Variants in DLG2 observed in about 807,000 individuals in gnomAD.
DLG2 encodes disks large homolog 2.
DLG2 carries 45 observed loss-of-function variants against 132.5 expected under a neutral mutation model. That is an observed-to-expected ratio of 0.34 (90% CI 0.27 to 0.44). DLG2 has a LOEUF of 0.44. Among genes scored for constraint, DLG2 ranks in the 20% least tolerant of loss-of-function variants. The probability of loss-of-function intolerance (pLI) is 1.00; values close to 1 mark genes in which losing one functional copy is unlikely to be tolerated. For synonymous variants in DLG2, 424 were observed against 419.6 expected (o/e 1.01, Z -0.13); for missense variants, 1,045 against 1,196.9 (o/e 0.87, Z 1.87).
intron 6 of DLG2, among the ~76,000 whole-genome samples, chr11:84,969,948 G>A (rs1037524324): frequency 6.6e-6 from 1 of 152,030 alleles, no homozygotes; most frequent in Admixed American, 6.6e-5. Flanking sequence ...GTTTTCACTC[G>A]TAAGTGGGAG....
intron 3 of DLG2, among the ~76,000 whole-genome samples, chr11:85,552,072 T>C (rs1299985678): frequency 3.5e-5 from 5 of 143,540 alleles, no homozygotes; most frequent in Admixed American, 1.4e-4. Flanking sequence ...GAAAGGTTCC[T>C]ATTCATGAAA....
chr11:83,753,201 T>C (rs1264656757), intron 18 of DLG2, among the ~76,000 whole-genome samples: 1 of 152,072 alleles, frequency 6.6e-6, no homozygotes, highest in African/African-American at 2.4e-5. Flanking sequence ...GGCGGGTGGA[T>C]CACTTGAGGT....
At chr11:83,520,694 G>GTTA (rs778015781) in intron 21 of DLG2, among the ~76,000 whole-genome samples, 48,892 of 138,070 alleles carry the variant, frequency 0.35, 8,538 homozygotes, top group Middle Eastern at 0.47. Flanking sequence ...TAAGTAGGTA[G>GTTA]GTAGATAGAT....
At chr11:83,555,470 T>G (rs2096496217) in intron 19 of DLG2, among the ~76,000 whole-genome samples, 1 of 152,306 alleles carries the variant, frequency 6.6e-6, no homozygotes, top group African/African-American at 2.4e-5. Flanking sequence ...ATCCAAATGA[T>G]GATGGTTTGG....
chr11:83,743,370 T>C (rs1349809341), intron 18 of DLG2, among the ~76,000 whole-genome samples: 1 of 151,746 alleles, frequency 6.6e-6, no homozygotes, highest in African/African-American at 2.4e-5. Flanking sequence ...GCACCCTACT[T>C]TATATCTCTG....
At chr11:84,732,553 G>C (rs2063285586) in intron 6 of DLG2, among the ~76,000 whole-genome samples, 1 of 151,376 alleles carries the variant, frequency 6.6e-6, no homozygotes, top group African/African-American at 2.4e-5. Context: ...TTTTTTCCCT[G>C]CTATCTTTGG....
intron 18 of DLG2, among the ~76,000 whole-genome samples, chr11:83,666,024 A>C (rs75988276): frequency 6.6e-6 from 1 of 152,206 alleles, no homozygotes; most frequent in South Asian, 2.1e-4. Context: ...ATGAATGTCA[A>C]GTTCTCTGCT....
chr11:84,148,607 C>A (rs1213346189), intron 9 of DLG2, among the ~76,000 whole-genome samples: 1 of 151,904 alleles, frequency 6.6e-6, no homozygotes, highest in African/African-American at 2.4e-5. Flanking sequence ...TTTTCTTTAC[C>A]CAATCCACCA....
intron 4 of DLG2, among the ~76,000 whole-genome samples, chr11:85,269,649 T>C (rs1028991425): frequency 6.6e-6 from 1 of 152,218 alleles, no homozygotes; most frequent in Non-Finnish European, 1.5e-5. Flanking sequence ...ATGTTAACTG[T>C]TCACAATAGT....
chr11:85,249,652 C>A (rs2076302736), intron 4 of DLG2, among the ~76,000 whole-genome samples: 2 of 152,130 alleles, frequency 1.3e-5, no homozygotes, highest in East Asian at 1.9e-4. Context: ...AAAGCAGAAT[C>A]AATGATGGAG....
intron 22 of DLG2, chr11:83,480,350 G>T (rs563865765): frequency 4.6e-6 from 7 of 1,532,602 alleles, no homozygotes; most frequent in African/African-American, 1.4e-5. Context: ...GAAAATAACC[G>T]CAAACCAAAG....
chr11:83,576,048 C>G (rs1021393979), intron 19 of DLG2, among the ~76,000 whole-genome samples: 1 of 151,750 alleles, frequency 6.6e-6, no homozygotes. Context: ...TAAATAGGGA[C>G]ATGAAACATA....
At chr11:83,489,389 G>A (rs1381387180) in intron 21 of DLG2, among the ~76,000 whole-genome samples, 1 of 151,920 alleles carries the variant, frequency 6.6e-6, no homozygotes, top group Non-Finnish European at 1.5e-5. Context: ...AAAATGGCAG[G>A]AAAACACATA....
Position 84,734,057 on chromosome 11 carries a change from G to A in DLG2, c.358-199326C>T, listed in dbSNP as rs907454410. On this transcript the variant is annotated intron_variant, in intron 6 of 27. Coordinates refer to ENST00000376104, the MANE Select transcript of DLG2 (RefSeq NM_001142699.3). Reference sequence around the variant, plus strand: ...TTACTGTAGCCTTGTAATATAGTTTGAAGTCAGGTAGCATGATGCCTCCAG... The same window carrying A: ...TTACTGTAGCCTTGTAATATAGTTTAAAGTCAGGTAGCATGATGCCTCCAG... Among the ~76,000 whole-genome samples, 15 of 152,170 alleles carry A rather than the reference G, an allele frequency of 9.9e-5. 1 individual carries two copies. Among genetic ancestry groups the A allele is most frequent in the African/African-American group, 3.6e-4 (15 of 41,450 alleles).
chr11:85,024,848 CT>C (rs1349078769), intron 6 of DLG2, among the ~76,000 whole-genome samples: 1 of 152,154 alleles, frequency 6.6e-6, no homozygotes, highest in Non-Finnish European at 1.5e-5. Flanking sequence ...CTCAAAATGT[CT>C]GCAGAGGGAC....
intron 19 of DLG2, among the ~76,000 whole-genome samples, chr11:83,608,375 T>C (rs1322367793): frequency 6.6e-6 from 1 of 152,080 alleles, no homozygotes; most frequent in East Asian, 1.9e-4. Context: ...TTTTAGATTT[T>C]GAAATATGTA....
At chr11:84,030,736 A>G (rs1015900985) in intron 11 of DLG2, among the ~76,000 whole-genome samples, 1 of 152,134 alleles carries the variant, frequency 6.6e-6, no homozygotes, top group Admixed American at 6.6e-5. Context: ...GACTAAGGTT[A>G]GAGTTCTTCT....
intron 4 of DLG2, among the ~76,000 whole-genome samples, chr11:85,167,021 T>C (rs1325927119): frequency 1.3e-5 from 2 of 152,202 alleles, no homozygotes; most frequent in East Asian, 3.8e-4. Context: ...TATTTATTTA[T>C]ATTATTTTGC....
chr11:84,417,416 C>T (rs2098933585), intron 7 of DLG2, among the ~76,000 whole-genome samples: 1 of 152,136 alleles, frequency 6.6e-6, no homozygotes, highest in South Asian at 2.1e-4. Flanking sequence ...GAATTTCCTT[C>T]CCTTTTCTCC....
Sources: allele counts gnomAD v4.1 joint callset (sites outside exome capture counted in the v4.1 genomes callset), GRCh38; gene constraint gnomAD v4.1.1; transcripts MANE v1.5; gene names NCBI Gene and HGNC (gene_info 2026-07-23, HGNC 2026-07-21).